Variants in COLEC10 observed in about 807,000 individuals in gnomAD.
The protein encoded by COLEC10 is collectin subfamily member 10.
COLEC10 carries 22 observed loss-of-function variants against 28.4 expected under a neutral mutation model. The observed-to-expected ratio is 0.78, with a 90% CI of 0.55 to 1.11. The LOEUF (loss-of-function observed/expected upper bound fraction) is 1.11. Ranked by LOEUF, COLEC10 falls within the 50% of genes least tolerant of loss-of-function variation. The pLI, the probability that COLEC10 is intolerant of heterozygous loss-of-function variation, is 0.00. For synonymous variants in COLEC10, 125 were observed against 116.1 expected, an observed-to-expected ratio of 1.08 and a Z score of -0.49; for missense variants, 361 against 344.1, an observed-to-expected ratio of 1.05 and a Z score of -0.39.
intron 3 of COLEC10, among the ~76,000 whole-genome samples, chr8:119,096,798 A>C (rs1815727401): frequency 6.6e-6 from 1 of 152,084 alleles, no homozygotes; most frequent in Non-Finnish European, 1.5e-5. Flanking sequence ...ATAGTCACTT[A>C]ACAAAAGAAC....
At chr8:119,011,563 A>T (rs1310977239) in intron 2 of COLEC10, among the ~76,000 whole-genome samples, 2 of 150,972 alleles carry the variant, frequency 1.3e-5, no homozygotes, top group African/African-American at 4.9e-5. Flanking sequence ...CAAGTTAGAA[A>T]GAAGAGACTT....
intron 3 of COLEC10, among the ~76,000 whole-genome samples, chr8:119,093,071 T>C (rs1486619858): frequency 6.6e-6 from 1 of 152,168 alleles, no homozygotes; most frequent in Non-Finnish European, 1.5e-5. Context: ...AAGAGATGCT[T>C]GTACAAAAAA....
chr8:118,972,706 C>T, the COLEC10 span, among the ~76,000 whole-genome samples: 1 of 151,970 alleles, frequency 6.6e-6, no homozygotes, highest in African/African-American at 2.4e-5. Flanking sequence ...AAACTATGAG[C>T]TCTGCCTTTA....
chr8:118,985,502 T>C, the COLEC10 span, among the ~76,000 whole-genome samples: 1 of 151,956 alleles, frequency 6.6e-6, no homozygotes, highest in Admixed American at 6.6e-5. Flanking sequence ...AAATGTGTTA[T>C]TTTAAAAAAA....
At chr8:119,077,732 G>A (rs1815280072) in intron 1 of COLEC10, among the ~76,000 whole-genome samples, 1 of 152,160 alleles carries the variant, frequency 6.6e-6, no homozygotes, top group South Asian at 2.1e-4. Flanking sequence ...GGATAGGATT[G>A]ACATTTTAAT....
chr8:118,956,843 G>A, the COLEC10 span, among the ~76,000 whole-genome samples: 1 of 152,112 alleles, frequency 6.6e-6, no homozygotes, highest in African/African-American at 2.4e-5. Flanking sequence ...TAATGAAGAT[G>A]TCTTCATTAG....
intron 2 of COLEC10, among the ~76,000 whole-genome samples, chr8:119,058,744 G>A (rs1814804137): frequency 6.6e-6 from 1 of 152,004 alleles, no homozygotes; most frequent in Non-Finnish European, 1.5e-5. Context: ...AAGTGTTTGT[G>A]TGGACACATG....
intron 2 of COLEC10, 87 bp from the exon 3 acceptor site, chr8:119,091,062 G>T: frequency 1.0e-6 from 1 of 995,656 alleles, no homozygotes; most frequent in Non-Finnish European, 1.6e-6. Context: ...ATACTTGTTG[G>T]TATTTCTTTC....
the COLEC10 span, among the ~76,000 whole-genome samples, chr8:118,980,908 T>A: frequency 2.4e-4 from 37 of 152,184 alleles, no homozygotes; most frequent in African/African-American, 8.4e-4. Context: ...GGTGGATTGT[T>A]TGTTTTTCAC....
At chr8:119,072,257 T>C (rs771669634) in intron 1 of COLEC10, among the ~76,000 whole-genome samples, 1 of 151,664 alleles carries the variant, frequency 6.6e-6, no homozygotes, top group Non-Finnish European at 1.5e-5. Context: ...AGGAGCAAGA[T>C]TGCTAGCACA....
chr8:119,094,557 C>T (rs1815673248), intron 3 of COLEC10, among the ~76,000 whole-genome samples: 1 of 152,158 alleles, frequency 6.6e-6, no homozygotes, highest in South Asian at 2.1e-4. Context: ...GGGCCATGAT[C>T]TGGAGGAGAA....
At chr8:119,036,462 G>A (rs1814390596) in intron 2 of COLEC10, among the ~76,000 whole-genome samples, 1 of 152,136 alleles carries the variant, frequency 6.6e-6, no homozygotes, top group African/African-American at 2.4e-5. Flanking sequence ...TTATTGTTAT[G>A]CAATTGCCGA....
the COLEC10 span, among the ~76,000 whole-genome samples, chr8:118,963,120 A>G: frequency 1.5e-4 from 23 of 152,336 alleles, no homozygotes; most frequent in East Asian, 4.4e-3. Flanking sequence ...AAAGTCTAAC[A>G]GTTACAATAA....
chr8:119,098,185 C>T (rs1014657925), intron 3 of COLEC10, among the ~76,000 whole-genome samples: 1 of 151,862 alleles, frequency 6.6e-6, no homozygotes, highest in African/African-American at 2.4e-5. Context: ...TGATGGGATA[C>T]CATCTAGAAG....
chr8:119,070,854 A>G (rs528892022), intron 1 of COLEC10, among the ~76,000 whole-genome samples: 2 of 152,248 alleles, frequency 1.3e-5, no homozygotes, highest in South Asian at 4.1e-4. Flanking sequence ...ATTTTCAAGG[A>G]CCTTTAAAAT....
intron 2 of COLEC10, among the ~76,000 whole-genome samples, chr8:119,035,422 G>A (rs1332648951): frequency 6.6e-6 from 1 of 152,212 alleles, no homozygotes; most frequent in African/African-American, 2.4e-5. Context: ...ACCCTGCTGA[G>A]CTTAGATATC....
chr8:119,064,563 A>T (rs1366902263), upstream of COLEC10, among the ~76,000 whole-genome samples: 1 of 152,196 alleles, frequency 6.6e-6, no homozygotes, highest in African/African-American at 2.4e-5. Flanking sequence ...GGCAATTGAC[A>T]TTATGTGATT....
the COLEC10 span, among the ~76,000 whole-genome samples, chr8:118,955,185 A>C: frequency 1.3e-5 from 2 of 152,212 alleles, no homozygotes; most frequent in African/African-American, 2.4e-5. Context: ...TATTTTATTA[A>C]TGTTTATAAT....
In COLEC10 at chr8:119,079,592, G is replaced by A. The variant is rs1815328189; in HGVS notation, c.149-10088G>A. Among the ~76,000 whole-genome samples the A allele has an allele frequency of 3.3e-5, 5 of 151,834 alleles. No homozygotes were observed. The South Asian group carries it at 1.0e-3, about 32-fold the overall frequency. On this transcript the variant is annotated intron_variant, in intron 1 of 5. Coordinates refer to ENST00000332843, the MANE Select transcript of COLEC10 (RefSeq NM_006438.5). ...AATGTTGCATTTTTCATTAAGTACA[G>A]TGTTAGTTCCCACCCTCCCACCCCC...
Sources: allele counts gnomAD v4.1 joint callset (sites outside exome capture counted in the v4.1 genomes callset), GRCh38; gene constraint gnomAD v4.1.1; transcripts MANE v1.5; gene names NCBI Gene and HGNC (gene_info 2026-07-23, HGNC 2026-07-21).